CRACR2A: variants seen among roughly 807,000 people sequenced by gnomAD.
CRACR2A encodes the protein calcium release activated channel regulator 2A, also known as EF-hand calcium-binding domain-containing protein 4B.
In CRACR2A, 79 loss-of-function variants were observed where a neutral mutation model predicts 90.5. The observed-to-expected ratio is 0.87, with a 90% CI of 0.73 to 1.05. The LOEUF (loss-of-function observed/expected upper bound fraction) is 1.05, where lower values mean the gene tolerates loss of function less well. CRACR2A is among the 50% of genes least tolerant of loss of function. CRACR2A has a pLI of 0.00. For synonymous variants in CRACR2A, 338 were observed against 356.7 expected, an observed-to-expected ratio of 0.95 and a Z score of 0.59; for missense variants, 823 against 897.2, an observed-to-expected ratio of 0.92 and a Z score of 1.06.
intron 7 of CRACR2A, among the ~76,000 whole-genome samples, chr12:3,673,032 CT>C (rs1192904855): frequency 6.6e-6 from 1 of 152,202 alleles, no homozygotes; most frequent in African/African-American, 2.4e-5. Flanking sequence ...GATTTTTCTT[CT>C]GGTCACAGGC....
rs765569836 is a variant in CRACR2A at position 3,680,329 on chromosome 12, C to CGGTA, written c.245_248dup (p.Leu84ThrfsTer12). 18 of 1,613,918 alleles carry CGGTA rather than the reference C, an allele frequency of 1.1e-5. No homozygotes were observed. The highest frequency in any genetic ancestry group is 8.5e-6 in the Non-Finnish European group (10 of 1,179,932). On this transcript the variant is annotated frameshift_variant, in exon 5 of 20. Coordinates refer to ENST00000440314, the MANE Select transcript of CRACR2A (RefSeq NM_001144958.2). LOFTEE classifies it high-confidence loss of function. The stretch of plus-strand genomic sequence containing the variant: ...CATCCTCCAGTTCCTCCAGGCTGAG[C>CGGTA]GGTAGCTCCTTATGCAGCCTCTGAA...
chr12:3,629,752 G>A (rs938265145), intron 15 of CRACR2A, among the ~76,000 whole-genome samples: 3 of 151,272 alleles, frequency 2.0e-5, no homozygotes, highest in African/African-American at 2.4e-5. Flanking sequence ...TGCTGGACAC[G>A]CGACGTGTTT....
chr12:3,615,344 G>A lies in CRACR2A; in HGVS notation c.*11C>T, dbSNP rs1867657013. ...CTCAGGTTTGCTGGGGGCAGTCCTT[G>A]TAGGACCCTATCAGCCACAGCAGGA... On this transcript the variant is annotated 3_prime_UTR_variant, in exon 20 of 20. Coordinates refer to ENST00000440314, the MANE Select transcript of CRACR2A (RefSeq NM_001144958.2). 1.9e-6 allele frequency: 3 copies of A among 1,551,122 alleles called. No homozygotes were observed. Among genetic ancestry groups the A allele is most frequent in the Non-Finnish European group, 2.6e-6 (3 of 1,146,478 alleles).
At chr12:3,642,088 A>C (rs1944582846) in intron 12 of CRACR2A, among the ~76,000 whole-genome samples, 1 of 152,204 alleles carries the variant, frequency 6.6e-6, no homozygotes, top group African/African-American at 2.4e-5. Context: ...CCTGGGGCCC[A>C]TCATGCTATT....
At chr12:3,748,081 G>C (rs552787759) in intron 1 of CRACR2A, among the ~76,000 whole-genome samples, 19 of 152,308 alleles carry the variant, frequency 1.2e-4, no homozygotes, top group Non-Finnish European at 4.4e-5. Context: ...GGTACACTAC[G>C]AGCACAGGAC....
intron 7 of CRACR2A, among the ~76,000 whole-genome samples, chr12:3,666,258 C>T (rs991944248): frequency 6.6e-6 from 1 of 151,988 alleles, no homozygotes; most frequent in Admixed American, 6.5e-5. Flanking sequence ...AACCCAGGTC[C>T]AGCTCAGGGC....
At chr12:3,627,101 C>T (rs889178215) in intron 17 of CRACR2A, among the ~76,000 whole-genome samples, 3 of 152,192 alleles carry the variant, frequency 2.0e-5, no homozygotes, top group Non-Finnish European at 2.9e-5. Context: ...CAGGACCCTT[C>T]CTTGACACTC....
At chr12:3,696,060 A>G (rs1364349860) in intron 4 of CRACR2A, among the ~76,000 whole-genome samples, 3 of 152,268 alleles carry the variant, frequency 2.0e-5, no homozygotes, top group East Asian at 3.8e-4. Context: ...TGGAAATTAT[A>G]TAAAATTCAA....
At chr12:3,706,311 G>A (rs548011851) in intron 3 of CRACR2A, among the ~76,000 whole-genome samples, 165 of 152,322 alleles carry the variant, frequency 1.1e-3, no homozygotes, top group African/African-American at 3.8e-3. Flanking sequence ...CTCCACCCCC[G>A]TGCAGGAGGA....
intron 7 of CRACR2A, among the ~76,000 whole-genome samples, chr12:3,665,224 G>A (rs1479749322): frequency 2.0e-5 from 3 of 152,218 alleles, no homozygotes; most frequent in African/African-American, 7.2e-5. Flanking sequence ...ACAGTCATGA[G>A]CACTAATATT....
intron 4 of CRACR2A, among the ~76,000 whole-genome samples, chr12:3,693,618 G>T (rs1373570815): frequency 1.3e-5 from 2 of 152,164 alleles, no homozygotes; most frequent in Non-Finnish European, 2.9e-5. Flanking sequence ...TTCTCTTACG[G>T]TATGTTGAAT....
At chr12:3,647,905 T>G (rs563160602) in intron 11 of CRACR2A, 1 of 985,484 alleles carries the variant, frequency 1.0e-6, no homozygotes, top group South Asian at 4.7e-5. Flanking sequence ...CCACACGGGT[T>G]TGTCTTTCTG....
chr12:3,667,453 G>A (rs982113740), intron 7 of CRACR2A, among the ~76,000 whole-genome samples: 3 of 152,210 alleles, frequency 2.0e-5, no homozygotes, highest in Non-Finnish European at 1.5e-5. Context: ...TGGCCAAAGA[G>A]AGGCAAGATT....
chr12:3,643,497 T>C lies in CRACR2A; in HGVS notation c.1164+1098A>G, dbSNP rs376236066. On this transcript the variant is annotated intron_variant, in intron 12 of 19. Coordinates refer to ENST00000440314, the MANE Select transcript of CRACR2A (RefSeq NM_001144958.2). ...TGCCCAGGGACCCACATGAAATTCA[T>C]AGGATGGTAACCCTGATAATTAGGA... is the stretch of plus-strand genomic sequence containing the variant. Among the ~76,000 whole-genome samples the C allele has an allele frequency of 2.6e-5, 4 of 152,058 alleles. No homozygotes were observed. The East Asian group carries it at 5.8e-4, about 22-fold the overall frequency.
chr12:3,702,657 G>A (rs1945851811), intron 3 of CRACR2A, among the ~76,000 whole-genome samples: 1 of 152,146 alleles, frequency 6.6e-6, no homozygotes, highest in Non-Finnish European at 1.5e-5. Context: ...AACAAATGGA[G>A]AGATATGCCA....
chr12:3,679,470 T>A (rs1198583725), intron 5 of CRACR2A, among the ~76,000 whole-genome samples: 1 of 152,172 alleles, frequency 6.6e-6, no homozygotes, highest in African/African-American at 2.4e-5. Context: ...GAGGCTCCTA[T>A]TGTCATCCTA....
chr12:3,698,961 C>T (rs566833241), intron 3 of CRACR2A, among the ~76,000 whole-genome samples: 2 of 152,220 alleles, frequency 1.3e-5, no homozygotes, highest in African/African-American at 2.4e-5. Context: ...CCTACTCCCA[C>T]CTGCTGCTCC....
At chr12:3,664,571 C>G (rs1165249250) in intron 7 of CRACR2A, among the ~76,000 whole-genome samples, 2 of 152,102 alleles carry the variant, frequency 1.3e-5, no homozygotes, top group Non-Finnish European at 2.9e-5. Flanking sequence ...TCAAAACATT[C>G]CCCGTTTATC....
chr12:3,636,840 G>A (rs1467531799), intron 14 of CRACR2A, among the ~76,000 whole-genome samples: 2 of 152,316 alleles, frequency 1.3e-5, no homozygotes, highest in Admixed American at 6.5e-5. Context: ...CCTGAGAATG[G>A]TAACCTATGC....
Sources: allele counts gnomAD v4.1 joint callset (sites outside exome capture counted in the v4.1 genomes callset), GRCh38; gene constraint gnomAD v4.1.1; transcripts MANE v1.5; gene names NCBI Gene and HGNC (gene_info 2026-07-23, HGNC 2026-07-21).